The following SOX6 variants were observed in gnomAD, a reference collection of about 807,000 sequenced individuals.
The protein encoded by SOX6 is SRY-box transcription factor 6.
In SOX6, 11 loss-of-function variants were observed where a neutral mutation model predicts 97.8. That is an observed-to-expected ratio of 0.11 (90% confidence interval 0.07 to 0.19). SOX6 has a LOEUF of 0.19. SOX6 is among the 10% of genes least tolerant of loss of function. The pLI is 1.00. For synonymous variants in SOX6, 360 were observed against 371.4 expected, an observed-to-expected ratio of 0.97 and a Z score of 0.35; for missense variants, 810 against 1,039.5, an observed-to-expected ratio of 0.78 and a Z score of 3.04.
chr11:16,224,516 T>C (rs2134161826), intron 4 of SOX6, among the ~76,000 whole-genome samples: 1 of 152,174 alleles, frequency 6.6e-6, no homozygotes, highest in East Asian at 1.9e-4. Flanking sequence ...AGACCTTGTG[T>C]CTCTAACCCC....
In SOX6 at chr11:15,973,090, T is replaced by G. The variant is rs1433323260; in HGVS notation, c.2206A>C (p.Thr736Pro). ...TVGQQPQIPI[T>P]TGTGVVYPGA... is the part of the protein sequence containing the mutation. Reference sequence around the variant, plus strand: ...GGATACACAACACCTGTTCCTGTGGTGATTGGAATCTGAGGCTGTTGCCTA... The same window carrying G: ...GGATACACAACACCTGTTCCTGTGGGGATTGGAATCTGAGGCTGTTGCCTA... The change falls in exon 16 of 16, where the codon ACC becomes CCC. Residue 736 changes from threonine (T) to proline (P), a missense_variant. Coordinates refer to ENST00000683767, the MANE Select transcript of SOX6 (RefSeq NM_001367873.1). The G allele has an allele frequency of 6.2e-7, 1 of 1,614,042 alleles. No homozygotes were observed. The highest frequency in any genetic ancestry group is 1.3e-5 in the African/African-American group (1 of 74,936).
intron 3 of SOX6, among the ~76,000 whole-genome samples, chr11:16,632,184 T>G (rs1263495120): frequency 1.3e-5 from 2 of 152,206 alleles, no homozygotes; most frequent in Non-Finnish European, 2.9e-5. Context: ...CTTTGGTTCC[T>G]TCTCATCTGG....
At chr11:16,387,872 T>G (rs567447193) in intron 1 of SOX6, among the ~76,000 whole-genome samples, 17 of 152,132 alleles carry the variant, frequency 1.1e-4, no homozygotes, top group Non-Finnish European at 1.6e-4. Flanking sequence ...CATCCTTGTA[T>G]CACATGACTT....
intron 3 of SOX6, among the ~76,000 whole-genome samples, chr11:16,714,220 A>G (rs1442842670): frequency 6.6e-6 from 1 of 152,082 alleles, no homozygotes; most frequent in African/African-American, 2.4e-5. Context: ...TATCCTAGCG[A>G]ACAAGAAATT....
intron 4 of SOX6, among the ~76,000 whole-genome samples, chr11:16,570,075 T>C (rs557121099): frequency 6.6e-6 from 1 of 152,144 alleles, no homozygotes; most frequent in Non-Finnish European, 1.5e-5. Flanking sequence ...CCCATCTAAA[T>C]CCCATAGTGC....
intron 6 of SOX6, 54 bp from the exon 7 acceptor site, chr11:16,111,977 A>C: frequency 6.2e-7 from 1 of 1,609,568 alleles, no homozygotes; most frequent in South Asian, 1.1e-5. Context: ...TATGCCAAGA[A>C]GAATTTGTTT....
At chr11:16,478,529 C>T (rs921068681), upstream of SOX6, among the ~76,000 whole-genome samples, 18 of 152,284 alleles carry the variant, frequency 1.2e-4, no homozygotes, top group Middle Eastern at 3.4e-3. Context: ...TCAGTCCAGT[C>T]GTGCTACATA....
intron 1 of SOX6, among the ~76,000 whole-genome samples, chr11:16,467,129 C>CA (rs1307765670): frequency 1.3e-5 from 2 of 152,038 alleles, no homozygotes; most frequent in East Asian, 1.9e-4. Flanking sequence ...ATTAAAAAGT[C>CA]AAAAAATAAC....
intron 6 of SOX6, among the ~76,000 whole-genome samples, chr11:16,124,961 T>C (rs1849572678): frequency 6.6e-6 from 1 of 152,026 alleles, no homozygotes; most frequent in Admixed American, 6.6e-5. Flanking sequence ...TGGTGGCCTA[T>C]TTCCATCTTA....
chr11:16,395,788 A>G (rs1337437524), intron 1 of SOX6, among the ~76,000 whole-genome samples: 1 of 151,844 alleles, frequency 6.6e-6, no homozygotes, highest in Non-Finnish European at 1.5e-5. Context: ...CACAAAATGC[A>G]TGAGTCATTA....
At chr11:16,204,398 T>C (rs1852018172) in intron 4 of SOX6, among the ~76,000 whole-genome samples, 1 of 152,008 alleles carries the variant, frequency 6.6e-6, no homozygotes, top group Non-Finnish European at 1.5e-5. Context: ...ACTGGAGACC[T>C]GGAGGAAGGG....
At chr11:16,268,989 G>T (rs1252450244) in intron 3 of SOX6, among the ~76,000 whole-genome samples, 1 of 149,414 alleles carries the variant, frequency 6.7e-6, no homozygotes, top group Non-Finnish European at 1.5e-5. Flanking sequence ...GAGTCATAAG[G>T]CCTTTCATTC....
Position 16,049,955 on chromosome 11 carries a change from T to C in SOX6, c.1252-17A>G, listed in dbSNP as rs1847645399. On this transcript the variant is annotated splice_polypyrimidine_tract_variant and intron_variant, in intron 10 of 15. Coordinates refer to ENST00000683767, the MANE Select transcript of SOX6 (RefSeq NM_001367873.1). ...TGCTTCATCCTACAAGAGTTTAACG[T>C]AAATAATTATTTTTACAAAAGACAA... is the stretch of plus-strand genomic sequence containing the variant. 4 of 1,612,714 alleles carry C rather than the reference T, an allele frequency of 2.5e-6. No homozygotes were observed. The highest frequency in any genetic ancestry group is 3.4e-6 in the Non-Finnish European group (4 of 1,178,986).
chr11:16,148,373 T>A (rs181927138), intron 6 of SOX6, among the ~76,000 whole-genome samples: 133 of 152,296 alleles, frequency 8.7e-4, no homozygotes, highest in Non-Finnish European at 8.4e-4. Flanking sequence ...GACCCTGCTC[T>A]GTTGTCTGGA....
intron 6 of SOX6, among the ~76,000 whole-genome samples, chr11:16,148,058 T>C (rs1260516663): frequency 6.6e-6 from 1 of 152,166 alleles, no homozygotes; most frequent in African/African-American, 2.4e-5. Flanking sequence ...TCTGTAATAA[T>C]TTTTATAGCC....
intron 4 of SOX6, among the ~76,000 whole-genome samples, chr11:16,557,181 G>A (rs1031806481): frequency 2.0e-4 from 31 of 151,874 alleles, no homozygotes; most frequent in African/African-American, 6.5e-4. Flanking sequence ...CATGTCAAAA[G>A]CCTCTTGAGT....
At chr11:16,222,061 T>C (rs1190403192) in intron 4 of SOX6, among the ~76,000 whole-genome samples, 1 of 152,086 alleles carries the variant, frequency 6.6e-6, no homozygotes, top group Non-Finnish European at 1.5e-5. Context: ...CATATCAAAA[T>C]GAGGTCAGAT....
intron 13 of SOX6, among the ~76,000 whole-genome samples, chr11:16,000,900 A>G (rs1425420512): frequency 2.0e-5 from 3 of 152,110 alleles, no homozygotes; most frequent in African/African-American, 7.2e-5. Context: ...TCTGTCACCC[A>G]GGCTGGAGTG....
chr11:16,370,579 A>G (rs1055718626), intron 1 of SOX6, among the ~76,000 whole-genome samples: 2 of 152,060 alleles, frequency 1.3e-5, no homozygotes, highest in African/African-American at 2.4e-5. Flanking sequence ...TTTATCTCCA[A>G]CCCACTCCTC....
Sources: gnomAD v4.1 joint callset for allele counts (sites outside exome capture counted in the v4.1 genomes callset) on GRCh38, gnomAD v4.1.1 for gene constraint, MANE v1.5 for transcripts, NCBI Gene and HGNC (gene_info 2026-07-23, HGNC 2026-07-21) for gene names.